Variants in PTPRM observed in about 807,000 individuals in gnomAD.
PTPRM encodes the protein receptor-type tyrosine-protein phosphatase mu.
PTPRM carries 47 observed loss-of-function variants against 186.7 expected under a neutral mutation model. The observed-to-expected ratio is 0.25, with a 90% CI of 0.20 to 0.32. PTPRM has a LOEUF of 0.32. Ranked by LOEUF, PTPRM falls within the 10% of genes least tolerant of loss-of-function variation. The pLI is 1.00. For synonymous variants in PTPRM, 668 were observed against 674.9 expected (o/e 0.99, Z 0.16); for missense variants, 1,494 against 1,865.0 (o/e 0.80, Z 3.66).
At chr18:8,083,155 C>A (rs1409365961) in intron 9 of PTPRM, among the ~76,000 whole-genome samples, 2 of 152,106 alleles carry the variant, frequency 1.3e-5, no homozygotes, top group South Asian at 2.1e-4. Context: ...TTCAATTGCC[C>A]CACCAATCAA....
At chr18:8,133,964 A>G (rs2092576728) in intron 13 of PTPRM, among the ~76,000 whole-genome samples, 1 of 152,186 alleles carries the variant, frequency 6.6e-6, no homozygotes, top group African/African-American at 2.4e-5. Flanking sequence ...ATAAAGAAAA[A>G]AATATGTAGC....
chr18:7,697,143 G>T (rs2039862392), intron 1 of PTPRM, among the ~76,000 whole-genome samples: 1 of 152,162 alleles, frequency 6.6e-6, no homozygotes, highest in Non-Finnish European at 1.5e-5. Context: ...GTCGGGGTGT[G>T]TTAGTATGAA....
intron 2 of PTPRM, among the ~76,000 whole-genome samples, chr18:7,883,056 T>G (rs1452739115): frequency 6.6e-6 from 1 of 152,242 alleles, no homozygotes; most frequent in Non-Finnish European, 1.5e-5. Flanking sequence ...ATCTAAAGGC[T>G]GTCCCTTTTT....
intron 11 of PTPRM, among the ~76,000 whole-genome samples, chr18:8,110,578 G>T (rs1283933369): frequency 6.6e-6 from 1 of 152,174 alleles, no homozygotes; most frequent in African/African-American, 2.4e-5. Context: ...GCTCCTTGCA[G>T]GTTGAGAGAG....
intron 13 of PTPRM, among the ~76,000 whole-genome samples, chr18:8,119,133 G>A (rs2092076660): frequency 2.0e-5 from 3 of 152,084 alleles, no homozygotes; most frequent in Admixed American, 1.3e-4. Flanking sequence ...GTTTTTGTAA[G>A]TAACATTTTA....
At chr18:8,165,252 T>C (rs996311975) in intron 14 of PTPRM, among the ~76,000 whole-genome samples, 1 of 152,012 alleles carries the variant, frequency 6.6e-6, no homozygotes, top group Non-Finnish European at 1.5e-5. Context: ...TTGGCACCGC[T>C]CATCATTCTA....
intron 1 of PTPRM, among the ~76,000 whole-genome samples, chr18:7,744,931 G>C (rs2040954402): frequency 6.6e-6 from 1 of 152,142 alleles, no homozygotes; most frequent in Non-Finnish European, 1.5e-5. Flanking sequence ...CTGAACCCCA[G>C]CATGCCATTT....
intron 1 of PTPRM, among the ~76,000 whole-genome samples, chr18:7,680,864 T>TCC (rs1286762591): frequency 6.6e-6 from 1 of 152,082 alleles, no homozygotes; most frequent in Non-Finnish European, 1.5e-5. Flanking sequence ...TGCTTTTCCT[T>TCC]CCCCCACCCT....
Position 8,127,418 on chromosome 18 carries a change from G to GTTTTT in PTPRM, c.2167+12604_2167+12608dup, listed in dbSNP as rs10700223. On this transcript the variant is annotated intron_variant, in intron 13 of 32. Coordinates refer to ENST00000580170, the MANE Select transcript of PTPRM (RefSeq NM_001105244.2). ...ACGGCACTCAGAGTCCAGCTGTATTGTTTTTTTTTTTTTTTTTGATGGGAT... is the reference window on the plus strand; with the variant it reads ...ACGGCACTCAGAGTCCAGCTGTATTGTTTTTTTTTTTTTTTTTTTTTTGATGGGAT... Among the ~76,000 whole-genome samples the GTTTTT allele has an allele frequency of 2.0e-4, 27 of 133,790 alleles. 4 individuals carry two copies. Among genetic ancestry groups the GTTTTT allele is most frequent in the Admixed American group, 5.3e-4 (7 of 13,148 alleles). The allele number at this position is 133,790 out of a possible 152,430, so 87.8% of individuals were successfully genotyped here. A position where few individuals can be genotyped will look rare whatever the true frequency, so the allele number is the denominator to read the frequency against.
intron 2 of PTPRM, among the ~76,000 whole-genome samples, chr18:7,841,281 CTTTTTTTTTTTTTTT>C (rs34688860): frequency 1.3e-4 from 9 of 70,222 alleles, no homozygotes; most frequent in South Asian, 8.8e-4. Flanking sequence ...CAAATCATTT[CTTTTTTTTTTTTTTT>C]TTTTTTTTTT....
intron 19 of PTPRM, among the ~76,000 whole-genome samples, chr18:8,260,244 G>T (rs1432489295): frequency 4.6e-5 from 7 of 152,030 alleles, no homozygotes; most frequent in Admixed American, 4.6e-4. Context: ...GCTTACTACA[G>T]CCTTGACCTC....
At chr18:7,651,557 T>C (rs1202648353) in intron 1 of PTPRM, among the ~76,000 whole-genome samples, 3 of 151,892 alleles carry the variant, frequency 2.0e-5, no homozygotes, top group East Asian at 1.9e-4. Context: ...AACAGAGATA[T>C]AGATCAATGG....
intron 14 of PTPRM, among the ~76,000 whole-genome samples, chr18:8,217,239 A>G (rs2094099427): frequency 1.3e-5 from 2 of 151,862 alleles, no homozygotes; most frequent in South Asian, 4.2e-4. Flanking sequence ...AAAATAACTG[A>G]AACAGATTGA....
At chr18:8,126,680 G>A (rs79948022) in intron 13 of PTPRM, among the ~76,000 whole-genome samples, 2,740 of 152,230 alleles carry the variant, frequency 0.018, 58 homozygotes, top group African/African-American at 0.044. Context: ...TCCTTCTGGG[G>A]ACCCAAGGTT....
chr18:8,006,104 C>T (rs1424353196), intron 7 of PTPRM, among the ~76,000 whole-genome samples: 2 of 152,172 alleles, frequency 1.3e-5, no homozygotes, highest in East Asian at 3.9e-4. Flanking sequence ...CCTTCCAACT[C>T]GCTGCTGTTA....
intron 7 of PTPRM, among the ~76,000 whole-genome samples, chr18:7,959,475 T>A (rs978526831): frequency 6.6e-6 from 1 of 152,238 alleles, no homozygotes; most frequent in African/African-American, 2.4e-5. Flanking sequence ...ATTTAGCTTC[T>A]TGTATTAAAA....
In PTPRM at chr18:8,143,769, A is replaced by G. The variant is rs760900169; in HGVS notation, c.2290A>G (p.Met764Val). 6.2e-7 allele frequency: 1 copy of G among 1,614,112 alleles called. No individual in the cohort carries two copies. Among genetic ancestry groups the G allele is most frequent in the Admixed American group, 1.7e-5 (1 of 60,016 alleles). Reference protein sequence around the residue: ...VIIFLGVVLVMKKRKLAKKRK... With the variant: ...VIIFLGVVLVVKKRKLAKKRK... Reference sequence around the variant, plus strand: ...TATATTTCTTGGAGTTGTGTTGGTAATGAAGAAAAGGTGAGCTCCTAGCTG... The same window carrying G: ...TATATTTCTTGGAGTTGTGTTGGTAGTGAAGAAAAGGTGAGCTCCTAGCTG... Residue 764 changes from methionine (M) to valine (V), a missense_variant, in exon 14 of 33, where the codon ATG (methionine) becomes GTG (valine). Met to Val is a conservative substitution (Grantham distance 21). Around this residue, in one of 3 missense-constraint regions of PTPRM, gnomAD observed 1,107 missense variants for 1,350.2 expected, o/e 0.82. Coordinates refer to ENST00000580170, the MANE Select transcript of PTPRM (RefSeq NM_001105244.2).
In PTPRM at chr18:7,668,111, T is replaced by C. The variant is rs2039138538; in HGVS notation, c.73+100220T>C. 6.6e-6 allele frequency among the ~76,000 whole-genome samples: 1 copy of C among 152,170 alleles called. No individual in the cohort carries two copies. Among genetic ancestry groups the C allele is most frequent in the African/African-American group, 2.4e-5 (1 of 41,438 alleles). On this transcript the variant is annotated intron_variant, in intron 1 of 32. Coordinates refer to ENST00000580170, the MANE Select transcript of PTPRM (RefSeq NM_001105244.2). The surrounding 1 kb of genome is among the most constrained non-coding windows in gnomAD (Gnocchi z 4.7). The stretch of plus-strand genomic sequence containing the variant: ...GTGGTGGTTGTAATGTATTTGCTTT[T>C]AGAGAAATGGTTTCTTTTGTATGAA...
intron 5 of PTPRM, among the ~76,000 whole-genome samples, chr18:7,927,163 A>G (rs558948008): frequency 1.1e-4 from 17 of 152,296 alleles, no homozygotes; most frequent in Non-Finnish European, 1.9e-4. Flanking sequence ...TCTTTGGTGT[A>G]GTGATCAATT....
Sources: allele counts gnomAD v4.1 joint callset (sites outside exome capture counted in the v4.1 genomes callset), GRCh38; gene constraint gnomAD v4.1.1; regional missense constraint gnomAD v4.1.1; non-coding constraint Gnocchi (gnomAD v3.1); transcripts MANE v1.5; gene names NCBI Gene and HGNC (gene_info 2026-07-23, HGNC 2026-07-21).